The following AQP9 variants were observed in gnomAD, a reference collection of about 807,000 sequenced individuals.
AQP9 encodes the protein aquaporin-9.
A neutral mutation model predicts 23.8 loss-of-function variants in AQP9; 19 were observed. That is an observed-to-expected ratio of 0.80 (90% CI 0.56 to 1.17). The LOEUF (loss-of-function observed/expected upper bound fraction) is 1.17. AQP9 is among the 50% of genes most tolerant of loss of function. The pLI is 0.00. For missense variants in AQP9, 413 were observed against 362.0 expected, an observed-to-expected ratio of 1.14 and a Z score of -1.14; for synonymous variants, 153 against 131.5, an observed-to-expected ratio of 1.16 and a Z score of -1.12.
chr15:58,163,913 A>G (rs1898442139), intron 1 of AQP9: 1 of 152,320 alleles, frequency 6.6e-6, no homozygotes. Flanking sequence ...AATACAGGCA[A>G]GAGGAGGCAG....
intron 1 of AQP9, among the ~76,000 whole-genome samples, chr15:58,150,092 G>T (rs1898119865): frequency 6.6e-6 from 1 of 152,224 alleles, no homozygotes; most frequent in African/African-American, 2.4e-5. Flanking sequence ...AGGTAAGTGA[G>T]ACCGAACAGG....
intron 1 of AQP9, chr15:58,164,223 A>T (rs1049754653): frequency 2.0e-5 from 3 of 152,186 alleles, no homozygotes; most frequent in Non-Finnish European, 4.4e-5. Flanking sequence ...TGAGCCATTT[A>T]AAGCTTTTAT....
intron 1 of AQP9, among the ~76,000 whole-genome samples, chr15:58,147,655 C>G (rs539660390): frequency 2.6e-5 from 4 of 152,282 alleles, no homozygotes; most frequent in African/African-American, 9.6e-5. Context: ...TCTCAGCGCA[C>G]ATGCCTTAGA....
chr15:58,158,441 A>G (rs1898308296), intron 1 of AQP9, among the ~76,000 whole-genome samples: 1 of 152,216 alleles, frequency 6.6e-6, no homozygotes, highest in African/African-American at 2.4e-5. Context: ...AGATGGAGAT[A>G]ATACTACTTA....
intron 5 of AQP9, among the ~76,000 whole-genome samples, chr15:58,181,138 T>C (rs1898879182): frequency 6.6e-6 from 1 of 152,202 alleles, no homozygotes. Flanking sequence ...CAATGTCCCT[T>C]TGCTCTGTTA....
chr15:58,179,211 C>T lies in AQP9; in HGVS notation c.579C>T (p.Pro193=). 3.1e-6 allele frequency: 5 copies of T among 1,613,984 alleles called. No homozygotes were observed. Among genetic ancestry groups the T allele is most frequent in the Middle Eastern group, 1.7e-4 (1 of 6,058 alleles). The change falls in exon 5 of 6, where the codon CCC becomes CCT. Residue 193 remains proline, a synonymous_variant. Coordinates refer to ENST00000219919, the MANE Select transcript of AQP9 (RefSeq NM_020980.5). ...RNLGAPRGLE[P]IAIGLLIIVI... The stretch of plus-strand genomic sequence containing the variant: ...TGGGAGCCCCCAGAGGCCTAGAGCC[C>T]ATTGCCATCGGCCTCCTGATTATTG...
intron 1 of AQP9, among the ~76,000 whole-genome samples, chr15:58,159,712 G>A (rs2140607701): frequency 6.6e-6 from 1 of 152,160 alleles, no homozygotes; most frequent in East Asian, 1.9e-4. Flanking sequence ...CTGCCTTCAT[G>A]AGATCCACTT....
intron 1 of AQP9, chr15:58,152,223 T>C (rs1403959822): frequency 6.6e-6 from 1 of 152,162 alleles, no homozygotes; most frequent in African/African-American, 2.4e-5. Context: ...TTTTAGCAAG[T>C]CTTACTAACC....
intron 1 of AQP9, among the ~76,000 whole-genome samples, chr15:58,158,819 C>A (rs539919890): frequency 3.3e-5 from 5 of 152,154 alleles, no homozygotes; most frequent in Non-Finnish European, 5.9e-5. Context: ...GAATCACAGA[C>A]CTCTTGCGGT....
At chr15:58,147,890 G>GCACA (rs112161250) in intron 1 of AQP9, among the ~76,000 whole-genome samples, 19,156 of 150,328 alleles carry the variant, frequency 0.13, 1,309 homozygotes, top group East Asian at 0.22. Context: ...ATAAACACAT[G>GCACA]CACACACACA....
chr15:58,176,482 C>T (rs113432109), intron 4 of AQP9, among the ~76,000 whole-genome samples: 239 of 152,146 alleles, frequency 1.6e-3, no homozygotes, highest in Non-Finnish European at 2.8e-3. Flanking sequence ...TACACCACCA[C>T]ACCTCAGCCT....
At chr15:58,149,713 C>T (rs1898112986) in intron 1 of AQP9, among the ~76,000 whole-genome samples, 1 of 152,172 alleles carries the variant, frequency 6.6e-6, no homozygotes, top group African/African-American at 2.4e-5. Flanking sequence ...CTAACACACA[C>T]CTATAGCACA....
chr15:58,142,314 G>A (rs142559760), intron 1 of AQP9, among the ~76,000 whole-genome samples: 1 of 152,298 alleles, frequency 6.6e-6, no homozygotes, highest in East Asian at 1.9e-4. Flanking sequence ...TGAAAGAGCT[G>A]GGCTTGGTAT....
intron 1 of AQP9, among the ~76,000 whole-genome samples, chr15:58,142,197 T>C (rs1897963256): frequency 6.6e-6 from 1 of 152,182 alleles, no homozygotes; most frequent in African/African-American, 2.4e-5. Context: ...CAAATTCTCG[T>C]TCCTGTTTGA....
intron 1 of AQP9, among the ~76,000 whole-genome samples, chr15:58,158,448 C>T (rs576190371): frequency 4.6e-5 from 7 of 152,308 alleles, no homozygotes; most frequent in African/African-American, 1.7e-4. Context: ...GATAATACTA[C>T]TTACCTCCCA....
At position 58,184,016 on chromosome 15, in the gene AQP9, A is replaced by T; in HGVS notation, c.769A>T (p.Ile257Phe). The part of the protein sequence containing the change: ...PVVGPLVGAV[I>F]GGLIYVLVIE... ...AGTGGGCCCTTTGGTTGGTGCTGTC[A>T]TTGGAGGCCTCATCTATGTTCTTGT... Residue 257 changes from isoleucine (I) to phenylalanine (F), a missense_variant, in exon 6 of 6, where the codon ATT becomes TTT. Physicochemically the swap from Ile to Phe is conservative, Grantham distance 21 (BLOSUM62 0). Coordinates refer to ENST00000219919, the MANE Select transcript of AQP9 (RefSeq NM_020980.5). 6.2e-7 allele frequency: 1 copy of T among 1,614,170 alleles called. No homozygotes were observed. The highest frequency in any genetic ancestry group is 1.3e-5 in the African/African-American group (1 of 75,048).
At chr15:58,168,481 T>C (rs944076736) in intron 2 of AQP9, among the ~76,000 whole-genome samples, 13 of 152,116 alleles carry the variant, frequency 8.5e-5, no homozygotes, top group Non-Finnish European at 1.2e-4. Flanking sequence ...TTGCTTAGAC[T>C]CCTTGGGAGC....
At position 58,184,268 on chromosome 15, in the gene AQP9, T is replaced by C. The variant is rs1379066351; in HGVS notation, c.*133T>C. The C allele has an allele frequency of 3.3e-6, 3 of 900,110 alleles. No homozygotes were observed. The highest frequency in any genetic ancestry group is 5.2e-5 in the East Asian group (2 of 38,130). The allele number at this position is 900,110 out of a possible 1,614,324, so 55.8% of individuals were successfully genotyped here. ...TCTGCTAGCCATATGGGACATCTAA[T>C]TGGAAAAGCATCTGCATAAAAGTTT... On this transcript the variant is annotated 3_prime_UTR_variant, in exon 6 of 6. Transcript: ENST00000219919.
At position 58,184,528 on chromosome 15, in the gene AQP9, G is replaced by C. The variant is rs938026998; in HGVS notation, c.*393G>C. 1 of 161,354 alleles carries C rather than the reference G, an allele frequency of 6.2e-6. No individual in the cohort carries two copies. The highest frequency in any genetic ancestry group is 1.9e-4 in the South Asian group (1 of 5,202). The allele number at this position is 161,354 out of a possible 1,614,324, so 10.0% of individuals were successfully genotyped here. On this transcript the variant is annotated 3_prime_UTR_variant, in exon 6 of 6. Transcript: ENST00000219919. ...AACCCTTTTCTTCAGTATCGACAAAGATTACATTCTGAGTACCAACCAAAC... is the reference window on the plus strand; with the variant it reads ...AACCCTTTTCTTCAGTATCGACAAACATTACATTCTGAGTACCAACCAAAC...
Sources: gnomAD v4.1 joint callset for allele counts (sites outside exome capture counted in the v4.1 genomes callset) on GRCh38, gnomAD v4.1.1 for gene constraint, MANE v1.5 for transcripts, NCBI Gene and HGNC (gene_info 2026-07-23, HGNC 2026-07-21) for gene names.